The following ABLIM2 variants were observed in gnomAD, a reference collection of about 807,000 sequenced individuals.
The protein encoded by ABLIM2 is actin-binding LIM protein 2.
In ABLIM2, 53 loss-of-function variants were observed where a neutral mutation model predicts 97.7. The observed-to-expected ratio is 0.54, with a 90% confidence interval of 0.44 to 0.68. The LOEUF is 0.68. Ranked by LOEUF, ABLIM2 falls within the 30% of genes least tolerant of loss-of-function variation. The pLI is 0.00. For synonymous variants in ABLIM2, 361 were observed against 345.8 expected (o/e 1.04, Z -0.49); for missense variants, 835 against 867.2 (o/e 0.96, Z 0.47).
chr4:8,051,562 C>CAAAAAAAAAAAA (rs36056609), intron 8 of ABLIM2, among the ~76,000 whole-genome samples: 2 of 107,910 alleles, frequency 1.9e-5, no homozygotes, highest in South Asian at 3.2e-4. Context: ...GATTCCATCT[C>CAAAAAAAAAAAA]AAAAAAAAAA....
rs1813209354 is a variant in ABLIM2 at position 8,072,849 on chromosome 4, G to A, written c.675+4779C>T. 6.6e-6 allele frequency among the ~76,000 whole-genome samples: 1 copy of A among 152,182 alleles called. No individual in the cohort carries two copies. Among genetic ancestry groups the A allele is most frequent in the Non-Finnish European group, 1.5e-5 (1 of 68,030 alleles). On this transcript the variant is annotated intron_variant, in intron 6 of 20. Coordinates refer to ENST00000447017, the MANE Select transcript of ABLIM2 (RefSeq NM_001130083.2). This position sits in a 1 kb window ranked among gnomAD's most constrained non-coding sequence, Gnocchi z 5.8. Reference sequence around the variant, plus strand: ...CAGGGACAGCACCTGAGTGGGGAACGCAGGCCCTGCAAGGCCCCTGGGGAA... The same window carrying A: ...CAGGGACAGCACCTGAGTGGGGAACACAGGCCCTGCAAGGCCCCTGGGGAA...
chr4:8,106,355 C>G (rs1837399686), intron 2 of ABLIM2, 139 bp downstream of exon 2: 1 of 1,215,466 alleles, frequency 8.2e-7, no homozygotes, highest in African/African-American at 1.5e-5. Context: ...ATCCCACTCT[C>G]CTCTGAAGAT....
rs1226668597 is a variant in ABLIM2, at chr4:8,124,561, G to A, written c.11-17924C>T. Among the ~76,000 whole-genome samples the A allele has an allele frequency of 6.6e-6, 1 of 152,174 alleles. No homozygotes were observed. The highest frequency in any genetic ancestry group is 1.5e-5 in the Non-Finnish European group (1 of 68,028). On this transcript the variant is annotated intron_variant, in intron 1 of 20. Transcript: ENST00000447017. The surrounding 1 kb of genome is among the most constrained non-coding windows in gnomAD (Gnocchi z 6.1). Reference sequence around the variant, plus strand: ...ACTCGGCGTCATGTTTTCAGGGAGTGTCCGTGGTGTGGTGGGCGTCAGTGC... The same window carrying A: ...ACTCGGCGTCATGTTTTCAGGGAGTATCCGTGGTGTGGTGGGCGTCAGTGC...
At position 8,042,491 on chromosome 4, in the gene ABLIM2, A is replaced by G. The variant is rs144687282; in HGVS notation, c.900+2673T>C. 2.6e-5 allele frequency among the ~76,000 whole-genome samples: 4 copies of G among 152,272 alleles called. No individual in the cohort carries two copies. In the East Asian group the frequency reaches 7.7e-4, roughly 29 times the overall value. On this transcript the variant is annotated intron_variant, in intron 9 of 20. Transcript: ENST00000447017. The stretch of plus-strand genomic sequence containing the variant: ...CCACTCAGTCTGTTCCCATCAGATC[A>G]CACACATTTTGTCCAATCATATTTC...
chr4:8,127,696 C>T lies in ABLIM2; in HGVS notation c.11-21059G>A. On this transcript the variant is annotated intron_variant, in intron 1 of 20. Coordinates refer to ENST00000447017, the MANE Select transcript of ABLIM2 (RefSeq NM_001130083.2). The surrounding 1 kb of genome is among the most constrained non-coding windows in gnomAD (Gnocchi z 7.3). The stretch of plus-strand genomic sequence containing the variant: ...AGAGCCTCTGTGGCCCACAGGGCTC[C>T]CACAAGGTCACGTGGCAGCTGCCAC... The T allele has an allele frequency of 8.0e-7, 1 of 1,249,396 alleles. No individual in the cohort carries two copies. The highest frequency in any genetic ancestry group is 1.3e-5 in the South Asian group (1 of 77,228). 77.4% of individuals were successfully genotyped at this position (1,249,396 alleles called of 1,614,324 possible). A position where few individuals can be genotyped will look rare whatever the true frequency, so the allele number is the denominator to read the frequency against.
Position 8,077,714 on chromosome 4 carries a change from G to A in ABLIM2, c.589C>T (p.Leu197=). Residue 197 remains leucine (L), a synonymous_variant, in exon 6 of 21, where the codon CTG becomes TTG. Transcript: ENST00000447017. ...TGATAGTCAGCTTCGCAGTAGGGCAGCCCATCCCTGCAATGAGACAGGCAG... is the reference window on the plus strand; with the variant it reads ...TGATAGTCAGCTTCGCAGTAGGGCAACCCATCCCTGCAATGAGACAGGCAG... The part of the protein sequence containing the change: ...LNAEYISKDG[L]PYCEADYHAK... The A allele has an allele frequency of 6.2e-7, 1 of 1,611,284 alleles. No homozygotes were observed. The highest frequency in any genetic ancestry group is 8.5e-7 in the Non-Finnish European group (1 of 1,178,584).
At chr4:8,115,510 C>T (rs1003165128) in intron 1 of ABLIM2, among the ~76,000 whole-genome samples, 2 of 152,168 alleles carry the variant, frequency 1.3e-5, no homozygotes, top group South Asian at 4.1e-4. Flanking sequence ...ACCTATGCAT[C>T]TCACTCTGAC....
chr4:7,999,350 G>A lies in ABLIM2; in HGVS notation c.1619-6423C>T, dbSNP rs750053711. 6.6e-6 allele frequency among the ~76,000 whole-genome samples: 1 copy of A among 152,168 alleles called. No homozygotes were observed. The highest frequency in any genetic ancestry group is 1.5e-5 in the Non-Finnish European group (1 of 68,032). ...TGAGATTACAGGCGTGAGCCACTGC[G>A]CCCGGCCAAGAATCACTGGTTTAAA... On this transcript the variant is annotated intron_variant, in intron 16 of 20. Transcript: ENST00000447017. The surrounding 1 kb of genome is among the most constrained non-coding windows in gnomAD (Gnocchi z 4.4).
intron 8 of ABLIM2, among the ~76,000 whole-genome samples, chr4:8,053,730 G>A (rs956853316): frequency 3.3e-5 from 5 of 152,130 alleles, no homozygotes; most frequent in Admixed American, 2.0e-4. Context: ...GGAAGTGACT[G>A]TTCATGAGGG....
At chr4:7,968,722 C>T (rs923634424) in intron 20 of ABLIM2, among the ~76,000 whole-genome samples, 1 of 152,138 alleles carries the variant, frequency 6.6e-6, no homozygotes, top group Non-Finnish European at 1.5e-5. Context: ...GGGGTTTCCT[C>T]TTGTGGTGAA....
intron 14 of ABLIM2, among the ~76,000 whole-genome samples, chr4:8,009,389 G>C (rs1763403778): frequency 6.6e-6 from 1 of 152,084 alleles, no homozygotes; most frequent in African/African-American, 2.4e-5. Context: ...TTGGCCTTTT[G>C]ATTTTGTTTT....
At chr4:8,036,438 C>G (rs1433135026) in intron 9 of ABLIM2, 143 bp from the exon 10 acceptor site, 1 of 1,020,802 alleles carries the variant, frequency 9.8e-7, no homozygotes, top group African/African-American at 1.8e-5. Context: ...AAGCCAGATG[C>G]ATCCCACAGG....
At chr4:8,138,228 G>C (rs1850450941) in intron 1 of ABLIM2, among the ~76,000 whole-genome samples, 1 of 152,134 alleles carries the variant, frequency 6.6e-6, no homozygotes, top group South Asian at 2.1e-4. Flanking sequence ...AGGTTCTATG[G>C]ATAGACAGTG....
intron 16 of ABLIM2, among the ~76,000 whole-genome samples, chr4:7,997,976 G>C (rs1385238131): frequency 6.6e-6 from 1 of 151,778 alleles, no homozygotes; most frequent in African/African-American, 2.4e-5. Flanking sequence ...CCGCCTCCCG[G>C]GTTCAAGTGA....
Position 8,130,916 on chromosome 4 carries a change from G to A in ABLIM2, c.11-24279C>T, listed in dbSNP as rs538826153. Among the ~76,000 whole-genome samples the A allele has an allele frequency of 1.4e-4, 21 of 152,056 alleles. No individual in the cohort carries two copies. The highest frequency in any genetic ancestry group is 5.1e-4 in the African/African-American group (21 of 41,486). On this transcript the variant is annotated intron_variant, in intron 1 of 20. Coordinates refer to ENST00000447017, the MANE Select transcript of ABLIM2 (RefSeq NM_001130083.2). This position sits in a 1 kb window ranked among gnomAD's most constrained non-coding sequence, Gnocchi z 4.2. ...TTCCTGACTTGTGGACGGCAAGGTG[G>A]CCCCAGGGCTGAGCTCCCCCAAAGG...
chr4:8,027,289 C>G (rs1778036914), intron 12 of ABLIM2, among the ~76,000 whole-genome samples: 1 of 152,174 alleles, frequency 6.6e-6, no homozygotes, highest in African/African-American at 2.4e-5. Context: ...CCTGGAAGAG[C>G]CGAGAGTTGG....
intron 2 of ABLIM2, among the ~76,000 whole-genome samples, chr4:8,101,257 A>C (rs1834435325): frequency 6.6e-6 from 1 of 152,316 alleles, no homozygotes; most frequent in South Asian, 2.1e-4. Context: ...CCTTCTGTGA[A>C]TAACAGGGGG....
rs573540900 is a variant in ABLIM2 at position 8,055,116 on chromosome 4, T to C, written c.764-870A>G. On this transcript the variant is annotated intron_variant, in intron 7 of 20. Transcript: ENST00000447017. ...ACCTTGTCAGGTCACTGGGTGAATT[T>C]AATAAAATCAAGCAGAGGTAATAAA... 2.6e-5 allele frequency among the ~76,000 whole-genome samples: 4 copies of C among 152,190 alleles called. No individual in the cohort carries two copies. In the East Asian group the frequency reaches 7.7e-4, roughly 29 times the overall value.
At chr4:8,035,023 TAGGTGGGTGC>T in intron 10 of ABLIM2, among the ~76,000 whole-genome samples, 2 of 112,776 alleles carry the variant, frequency 1.8e-5, no homozygotes, top group Middle Eastern at 5.3e-3. Context: ...GGGTGGTAGG[TAGGTGGGTGC>T]AGGTGGGTGA....
Sources: gnomAD v4.1 joint callset for allele counts (sites outside exome capture counted in the v4.1 genomes callset) on GRCh38, gnomAD v4.1.1 for gene constraint, Gnocchi (gnomAD v3.1) non-coding constraint, MANE v1.5 for transcripts, NCBI Gene and HGNC (gene_info 2026-07-23, HGNC 2026-07-21) for gene names.